Variants in SSR3 observed in about 807,000 individuals in gnomAD.
SSR3 encodes the protein translocon-associated protein subunit gamma.
A neutral mutation model predicts 22.1 loss-of-function variants in SSR3; 10 were observed. That is an observed-to-expected ratio of 0.45 (90% CI 0.28 to 0.77). The LOEUF (loss-of-function observed/expected upper bound fraction) is 0.77. SSR3 is among the 30% of genes least tolerant of loss of function. The probability of loss-of-function intolerance (pLI) is 0.13; values close to 1 mark genes in which losing one functional copy is unlikely to be tolerated. For missense variants in SSR3, 181 were observed against 220.5 expected (o/e 0.82, Z 1.13); for synonymous variants, 104 against 82.5 (o/e 1.26, Z -1.42).
intron 2 of SSR3, among the ~76,000 whole-genome samples, chr3:156,551,688 A>T (rs1428838515): frequency 6.6e-6 from 1 of 152,248 alleles, no homozygotes; most frequent in Non-Finnish European, 1.5e-5. Flanking sequence ...CTGTTAACTG[A>T]GATCATCTCA....
intron 2 of SSR3, among the ~76,000 whole-genome samples, chr3:156,549,584 T>C (rs186417700): frequency 4.8e-4 from 72 of 150,400 alleles, no homozygotes; most frequent in African/African-American, 1.8e-3. Context: ...TACAAGGGTG[T>C]CTGGGATACA....
At chr3:156,554,005 A>G (rs540635675) in intron 1 of SSR3, 39 of 369,456 alleles carry the variant, frequency 1.1e-4, no homozygotes, top group Non-Finnish European at 1.5e-4. Context: ...TCCTATTACT[A>G]GTCCAGATGA....
chr3:156,550,207 A>C (rs1163464902), intron 2 of SSR3, among the ~76,000 whole-genome samples: 2 of 152,250 alleles, frequency 1.3e-5, no homozygotes, highest in Non-Finnish European at 2.9e-5. Flanking sequence ...ACTGAAAAGA[A>C]ATGGACACAG....
intron 1 of SSR3, among the ~76,000 whole-genome samples, chr3:156,554,581 T>C (rs987785442): frequency 2.0e-5 from 3 of 152,144 alleles, no homozygotes; most frequent in Non-Finnish European, 4.4e-5. Context: ...GCAAAATAAG[T>C]AATAAGTTTA....
At chr3:156,544,208 A>C in intron 4 of SSR3, 100 bp downstream of exon 4, 4 of 1,089,346 alleles carry the variant, frequency 3.7e-6, no homozygotes, top group Non-Finnish European at 5.0e-6. Flanking sequence ...TGACTCCCAG[A>C]GCAGTTTTTC....
At position 156,543,214 on chromosome 3, in the gene SSR3, C is replaced by T; in HGVS notation, c.547G>A (p.Gly183Ser). Residue 183 changes from glycine to serine, a missense_variant, in exon 5 of 5, where the codon GGC (glycine) becomes AGC (serine). Gly to Ser is a moderately conservative substitution (Grantham distance 56, BLOSUM62 0). Coordinates refer to ENST00000265044, the MANE Select transcript of SSR3 (RefSeq NM_007107.5). ...GAAGCTGACATGGTCTATTTGGAGC[C>T]AGTAGACAGGAGGGCGATGAGTCCT... is the stretch of plus-strand genomic sequence containing the variant. ...SSGLIALLSTGSK is the reference protein window; with the variant it reads ...SSGLIALLSTSSK 1 of 1,613,612 alleles carries T rather than the reference C, an allele frequency of 6.2e-7. No individual in the cohort carries two copies. Among genetic ancestry groups the T allele is most frequent in the Non-Finnish European group, 8.5e-7 (1 of 1,179,814 alleles).
rs529106896 is a variant in SSR3 at position 156,540,153 on chromosome 3, G to T, written c.*3050C>A. The T allele has an allele frequency of 6.6e-5, 10 of 152,220 alleles. No individual in the cohort carries two copies. In the South Asian group the frequency reaches 2.1e-3, roughly 32 times the overall value. The allele number at this position is 152,220 out of a possible 1,614,324, so 9.4% of individuals were successfully genotyped here. A position where few individuals can be genotyped will look rare whatever the true frequency, so the allele number is the denominator to read the frequency against. ...GTAGGGAAAATACAAATTTTAAGAAGCAAAGTTTAATCATACTTATTAAGC... is the reference window on the plus strand; with the variant it reads ...GTAGGGAAAATACAAATTTTAAGAATCAAAGTTTAATCATACTTATTAAGC... On this transcript the variant is annotated 3_prime_UTR_variant, in exon 5 of 5. Transcript: ENST00000265044.
chr3:156,545,587 G>A (rs1292221406), intron 3 of SSR3, among the ~76,000 whole-genome samples: 2 of 152,080 alleles, frequency 1.3e-5, no homozygotes, highest in African/African-American at 2.4e-5. Context: ...AAGTTTTGCC[G>A]GAAAGGAGCT....
intron 3 of SSR3, among the ~76,000 whole-genome samples, chr3:156,545,777 TAGA>T (rs1719738562): frequency 6.6e-6 from 1 of 152,194 alleles, no homozygotes; most frequent in Non-Finnish European, 1.5e-5. Context: ...TCTAATTTCA[TAGA>T]AGTTTAAATG....
intron 2 of SSR3, among the ~76,000 whole-genome samples, chr3:156,549,813 TA>T (rs1028808028): frequency 1.3e-5 from 2 of 150,670 alleles, no homozygotes; most frequent in African/African-American, 2.4e-5. Flanking sequence ...AAAATAGTTC[TA>T]AAAAAAAACA....
intron 2 of SSR3, among the ~76,000 whole-genome samples, chr3:156,551,951 A>C (rs1208241098): frequency 1.3e-5 from 2 of 152,184 alleles, no homozygotes; most frequent in African/African-American, 2.4e-5. Context: ...ATAGGAAGGA[A>C]GCAGATGACT....
Position 156,544,310 on chromosome 3 carries a change from T to G in SSR3, c.489A>C (p.Thr163=), listed in dbSNP as rs1321313209. Residue 163 remains threonine (T), a splice_region_variant and synonymous_variant, in exon 4 of 5, where the codon ACA becomes ACC. Transcript: ENST00000265044. ...ATAATCAACCTTGAAAAGGATACAC[T>G]GTGGGGTTGAAGTTCTTCAATATGA... ...SFFILKNFNP[T]VNYILSISAS... is the part of the protein sequence containing the mutation. 6.3e-7 allele frequency: 1 copy of G among 1,586,102 alleles called. No individual in the cohort carries two copies. Among genetic ancestry groups the G allele is most frequent in the Non-Finnish European group, 8.6e-7 (1 of 1,167,440 alleles).
chr3:156,546,099 CA>C (rs1353617149), intron 3 of SSR3, among the ~76,000 whole-genome samples: 1 of 152,224 alleles, frequency 6.6e-6, no homozygotes, highest in Non-Finnish European at 1.5e-5. Flanking sequence ...TGTCCCCACC[CA>C]AATCTCATCT....
intron 3 of SSR3, among the ~76,000 whole-genome samples, chr3:156,546,917 T>C (rs1391510693): frequency 1.3e-5 from 2 of 152,158 alleles, no homozygotes; most frequent in Non-Finnish European, 2.9e-5. Flanking sequence ...TCCAAATGAA[T>C]GTAGACAGAG....
chr3:156,541,314 T>A lies in SSR3; in HGVS notation c.*1889A>T, dbSNP rs566080312. 9.8e-5 allele frequency: 15 copies of A among 152,346 alleles called. No homozygotes were observed. The highest frequency in any genetic ancestry group is 1.3e-4 in the Non-Finnish European group (9 of 68,028). The allele number at this position is 152,346 out of a possible 1,614,324, so 9.4% of individuals were successfully genotyped here. A position where few individuals can be genotyped will look rare whatever the true frequency, so the allele number is the denominator to read the frequency against. ...TAACAAATAGTGGACACTGATGGTT[T>A]GTCAAATAAGCAAATGCATTTATTT... On this transcript the variant is annotated 3_prime_UTR_variant, in exon 5 of 5. Transcript: ENST00000265044.
rs780469530 is a variant in SSR3 at position 156,544,316 on chromosome 3, G to A, written c.483C>T (p.Asn161=). Residue 161 remains asparagine, a synonymous_variant, in exon 4 of 5, where the codon AAC becomes AAT. Transcript: ENST00000265044. ...AACCTTGAAAAGGATACACTGTGGG[G>A]TTGAAGTTCTTCAATATGAAGAAGG... The part of the protein sequence containing the change: ...VASFFILKNF[N]PTVNYILSIS... 1.3e-6 allele frequency: 2 copies of A among 1,590,372 alleles called. No individual in the cohort carries two copies. The highest frequency in any genetic ancestry group is 1.7e-6 in the Non-Finnish European group (2 of 1,169,086).
rs1297948608 is a variant in SSR3 at position 156,555,019 on chromosome 3, A to G, written c.71T>C (p.Leu24Pro). The change falls in exon 1 of 5, where the codon CTC (leucine) becomes CCC (proline). Residue 24 changes from leucine to proline, a missense_variant. By Grantham distance (98) the Leu-to-Pro change is moderately conservative. Transcript: ENST00000265044. ...GAAGAGCGCGGAGGACTTGGCCGAG[A>G]GATTGCGGCTGAAATCCTGCAGGAG... ...DLLLQDFSRN[L>P]SAKSSALFFG... is the part of the protein sequence containing the mutation. The G allele has an allele frequency of 6.2e-7, 1 of 1,614,018 alleles. No individual in the cohort carries two copies. Among genetic ancestry groups the G allele is most frequent in the Admixed American group, 1.7e-5 (1 of 60,030 alleles).
chr3:156,548,422 C>A (rs1428699465), intron 3 of SSR3, among the ~76,000 whole-genome samples: 1 of 152,190 alleles, frequency 6.6e-6, no homozygotes, highest in Non-Finnish European at 1.5e-5. Flanking sequence ...AACACATAAA[C>A]CCTTCAGACC....
At position 156,542,987 on chromosome 3, in the gene SSR3, C is replaced by T. The variant is rs189158437; in HGVS notation, c.*216G>A. On this transcript the variant is annotated 3_prime_UTR_variant, in exon 5 of 5. Transcript: ENST00000265044. ...AAGACATTTTTTTCCTTTTAATAAA[C>T]GTCCTAGTACTCTGAGTTTCCCTTT... 44 of 438,274 alleles carry T rather than the reference C, an allele frequency of 1.0e-4. No homozygotes were observed. Among genetic ancestry groups the T allele is most frequent in the Non-Finnish European group, 1.5e-4 (38 of 247,366 alleles). The allele number at this position is 438,274 out of a possible 1,614,324, so 27.1% of individuals were successfully genotyped here.
Sources: allele counts gnomAD v4.1 joint callset (sites outside exome capture counted in the v4.1 genomes callset), GRCh38; gene constraint gnomAD v4.1.1; transcripts MANE v1.5; gene names NCBI Gene and HGNC (gene_info 2026-07-23, HGNC 2026-07-21).